RBFOX1: variants seen among roughly 807,000 people sequenced by gnomAD.
RBFOX1 encodes RNA binding protein fox-1 homolog 1.
Under a neutral mutation model 57.7 loss-of-function variants are expected in RBFOX1, and 8 were observed. That is an observed-to-expected ratio of 0.14 (90% CI 0.08 to 0.25). RBFOX1 has a LOEUF of 0.25. Among genes scored for constraint, RBFOX1 ranks in the 10% least tolerant of loss-of-function variants. The pLI is 1.00. For missense variants in RBFOX1, 611 were observed against 548.5 expected (o/e 1.11, Z -1.14); for synonymous variants, 326 against 222.4 (o/e 1.47, Z -4.15).
At chr16:6,229,373 C>G (rs2097441339) in intron 1 of RBFOX1, among the ~76,000 whole-genome samples, 2 of 152,220 alleles carry the variant, frequency 1.3e-5, no homozygotes, top group South Asian at 4.1e-4. Context: ...CCACTAGGCT[C>G]ACAAGGACTC....
chr16:6,842,507 A>G (rs1191187578), intron 3 of RBFOX1, among the ~76,000 whole-genome samples: 1 of 152,048 alleles, frequency 6.6e-6, no homozygotes, highest in East Asian at 1.9e-4. Flanking sequence ...TGAATCATAT[A>G]TTTTTATCCT....
intron 3 of RBFOX1, among the ~76,000 whole-genome samples, chr16:5,796,258 C>G (rs1339756400): frequency 6.6e-6 from 1 of 152,150 alleles, no homozygotes; most frequent in Non-Finnish European, 1.5e-5. Context: ...GTGGATGTGG[C>G]CCACATGGGT....
intron 2 of RBFOX1, among the ~76,000 whole-genome samples, chr16:6,640,191 C>G (rs368038475): frequency 3.9e-5 from 6 of 152,150 alleles, no homozygotes; most frequent in African/African-American, 1.4e-4. Flanking sequence ...TGAATTTTCT[C>G]TCAAATATTA....
At chr16:5,700,615 T>C (rs1346536287) in intron 3 of RBFOX1, among the ~76,000 whole-genome samples, 1 of 152,220 alleles carries the variant, frequency 6.6e-6, no homozygotes, top group Non-Finnish European at 1.5e-5. Context: ...AGAGAAACAA[T>C]GTGTTTTCAA....
At chr16:7,696,129 A>G (rs148626189) in intron 14 of RBFOX1, among the ~76,000 whole-genome samples, 15 of 152,328 alleles carry the variant, frequency 9.8e-5, no homozygotes, top group Admixed American at 2.0e-4. Flanking sequence ...GGCATTTTTC[A>G]TTAACATTTG....
chr16:5,856,187 C>CTCTCTCTCTATATATA (rs1430331422), intron 3 of RBFOX1, among the ~76,000 whole-genome samples: 6 of 31,066 alleles, frequency 1.9e-4, no homozygotes, highest in South Asian at 2.4e-3. Context: ...CTCTCTCTCT[C>CTCTCTCTCTATATATA]TATATATATA....
intron 4 of RBFOX1, among the ~76,000 whole-genome samples, chr16:7,292,207 C>T: frequency 1.0e-5 from 1 of 98,564 alleles, no homozygotes; most frequent in African/African-American, 4.5e-5. Flanking sequence ...TATTATATAT[C>T]ATATATATGA....
chr16:5,403,367 AC>A (rs756367725), intron 1 of RBFOX1, among the ~76,000 whole-genome samples: 10,694 of 144,332 alleles, frequency 0.074, 439 homozygotes, highest in Non-Finnish European at 0.098. Context: ...AAAAAAAAAA[AC>A]AAAAAACAAA....
intron 2 of RBFOX1, among the ~76,000 whole-genome samples, chr16:6,433,370 C>T (rs989528075): frequency 6.6e-6 from 1 of 152,260 alleles, no homozygotes; most frequent in Admixed American, 6.5e-5. Flanking sequence ...CCACCAGACA[C>T]TGTAGAGCCT....
At chr16:6,840,865 C>T (rs1180965681) in intron 3 of RBFOX1, among the ~76,000 whole-genome samples, 68 of 131,168 alleles carry the variant, frequency 5.2e-4, no homozygotes, top group African/African-American at 1.8e-3. Context: ...CTAGCCTGGG[C>T]GACGAAAGTG....
rs183744960 is a variant in RBFOX1 at position 5,650,050 on chromosome 16, G to A, written c.318+51089G>A. On this transcript the variant is annotated intron_variant, in intron 3 of 19. Coordinates refer to the RBFOX1 transcript ENST00000641259. ...ACATGAAGCATTGGCCGTCTGGGCTGCTTAAGCAAACACAAGTTTTGAAGG... is the reference window on the plus strand; with the variant it reads ...ACATGAAGCATTGGCCGTCTGGGCTACTTAAGCAAACACAAGTTTTGAAGG... 2.7e-4 allele frequency among the ~76,000 whole-genome samples: 41 copies of A among 152,328 alleles called. No individual in the cohort carries two copies. The East Asian group carries it at 7.5e-3, about 28-fold the overall frequency.
intron 14 of RBFOX1, among the ~76,000 whole-genome samples, chr16:7,680,487 C>A (rs763409791): frequency 3.3e-5 from 5 of 152,032 alleles, no homozygotes; most frequent in Non-Finnish European, 7.4e-5. Context: ...AGATGCAGAC[C>A]GCCTAGAGAC....
At chr16:6,504,998 A>AGCTACTTG (rs2096053723) in intron 2 of RBFOX1, among the ~76,000 whole-genome samples, 1 of 152,162 alleles carries the variant, frequency 6.6e-6, no homozygotes, top group African/African-American at 2.4e-5. Context: ...GCTTGAACCC[A>AGCTACTTG]GGAGGCAGAG....
At chr16:7,203,318 C>T (rs867948225) in intron 4 of RBFOX1, among the ~76,000 whole-genome samples, 1 of 152,154 alleles carries the variant, frequency 6.6e-6, no homozygotes, top group Non-Finnish European at 1.5e-5. Flanking sequence ...TAATTCCACT[C>T]ACATGAAGTT....
At chr16:5,548,168 A>ATATATATATAT (rs1256241961) in intron 2 of RBFOX1, among the ~76,000 whole-genome samples, 2 of 57,170 alleles carry the variant, frequency 3.5e-5, no homozygotes, top group Non-Finnish European at 8.1e-5. Context: ...TAAAAAAAAA[A>ATATATATATAT]AAAAAAATAT....
chr16:6,407,430 ATCTC>A (rs959201723), intron 2 of RBFOX1, among the ~76,000 whole-genome samples: 2 of 151,948 alleles, frequency 1.3e-5, no homozygotes, highest in African/African-American at 4.8e-5. Flanking sequence ...CTTATATACT[ATCTC>A]TATATTTATT....
chr16:6,544,721 C>A (rs1350893172), intron 2 of RBFOX1, among the ~76,000 whole-genome samples: 1 of 152,162 alleles, frequency 6.6e-6, no homozygotes, highest in Non-Finnish European at 1.5e-5. Flanking sequence ...CTTTTCAAAC[C>A]TCAGTTTCCT....
Position 6,397,641 on chromosome 16 carries a change from G to A in RBFOX1, c.-64+80584G>A, listed in dbSNP as rs954837100. On this transcript the variant is annotated intron_variant, in intron 2 of 15. Transcript: ENST00000550418. ...TGGTAAATATGTGGATAATATAAAA[G>A]GTTATAATGCTTCTTTGAAAATATA... Among the ~76,000 whole-genome samples, 41 of 152,154 alleles carry A rather than the reference G, an allele frequency of 2.7e-4. 2 individuals are homozygous for A. The highest frequency in any genetic ancestry group is 1.5e-5 in the Non-Finnish European group (1 of 68,018).
intron 1 of RBFOX1, among the ~76,000 whole-genome samples, chr16:6,263,915 T>G (rs1254253899): frequency 6.6e-6 from 1 of 152,154 alleles, no homozygotes; most frequent in East Asian, 1.9e-4. Context: ...TATTACAGGA[T>G]TAATAGGAAT....
Sources: allele counts gnomAD v4.1 joint callset (sites outside exome capture counted in the v4.1 genomes callset), GRCh38; gene constraint gnomAD v4.1.1; transcripts MANE v1.5; gene names NCBI Gene and HGNC (gene_info 2026-07-23, HGNC 2026-07-21).